CAPRIN2: variants seen among roughly 807,000 people sequenced by gnomAD.
The protein encoded by CAPRIN2 is caprin-2.
In CAPRIN2, 66 loss-of-function variants were observed where a neutral mutation model predicts 130.4. That is an observed-to-expected ratio of 0.51 (90% CI 0.42 to 0.62). The LOEUF is 0.62. CAPRIN2 is among the 20% of genes least tolerant of loss of function. The pLI is 0.00. For synonymous variants in CAPRIN2, 471 were observed against 444.1 expected (o/e 1.06, Z -0.76); for missense variants, 1,185 against 1,246.6 (o/e 0.95, Z 0.74).
chr12:30,747,748 G>T (rs6487939), intron 2 of CAPRIN2, among the ~76,000 whole-genome samples: 1 of 151,838 alleles, frequency 6.6e-6, no homozygotes, highest in Admixed American at 6.6e-5. Flanking sequence ...TTGTCTAATA[G>T]ATCCGGGCAA....
At chr12:30,715,023 A>G (rs750395988) in exon 14 of CAPRIN2, 12 of 1,614,082 alleles carry the variant, frequency 7.4e-6, no homozygotes, top group Middle Eastern at 1.7e-4. Context: ...TACATCCTCT[A>G]ACAGATCCCC....
At chr12:30,728,579 A>AAAAG in intron 8 of CAPRIN2, 69 bp downstream of exon 9, 1 of 1,373,278 alleles carries the variant, frequency 7.3e-7, no homozygotes, top group Non-Finnish European at 9.9e-7. Flanking sequence ...AAGAGAACTA[A>AAAAG]AAAGTCATTA....
At chr12:30,733,771 G>T in intron 4 of CAPRIN2, 60 bp from the exon 6 acceptor site, 1 of 1,114,308 alleles carries the variant, frequency 9.0e-7, no homozygotes, top group Non-Finnish European at 1.4e-6. Flanking sequence ...ATATGGAGCA[G>T]CACAATTTAT....
intron 3 of CAPRIN2, among the ~76,000 whole-genome samples, chr12:30,735,550 T>C (rs951634101): frequency 2.6e-5 from 4 of 152,216 alleles, no homozygotes; most frequent in African/African-American, 9.6e-5. Flanking sequence ...TCAGTCCTTT[T>C]TGGACCTTTT....
At chr12:30,723,181 G>C in intron 11 of CAPRIN2, 78 bp downstream of exon 12, 1 of 981,636 alleles carries the variant, frequency 1.0e-6, no homozygotes, top group South Asian at 1.3e-5. Context: ...ATGAGAATCA[G>C]TAAGTCTGAT....
chr12:30,753,865 A>G (rs2075157228), exon 1 of CAPRIN2: 4 of 1,185,686 alleles, frequency 3.4e-6, no homozygotes, highest in Admixed American at 2.3e-5. Flanking sequence ...GATTTTCCAC[A>G]TAGGGAGGAA....
At chr12:30,723,138 G>A in intron 11 of CAPRIN2, 121 bp downstream of exon 12, 1 of 709,400 alleles carries the variant, frequency 1.4e-6, no homozygotes, top group Non-Finnish European at 2.4e-6. Flanking sequence ...AACTAGATAT[G>A]CTTAGAACAC....
chr12:30,728,586 A>G, intron 8 of CAPRIN2, 62 bp downstream of exon 9: 2 of 1,387,722 alleles, frequency 1.4e-6, no homozygotes, highest in Non-Finnish European at 2.0e-6. Flanking sequence ...CTAAAAAGTC[A>G]TTACCACGAC....
Position 30,735,219 on chromosome 12 carries a change from A to T in CAPRIN2, c.571-13T>A. On this transcript the variant is annotated splice_polypyrimidine_tract_variant and intron_variant, in intron 3 of 16. Transcript: ENST00000298892. Reference sequence around the variant, plus strand: ...GCGCTTTTAGTAGCTGTTAAAACAAATGGCTAATTAAGGGTAACAATTCTC... The same window carrying T: ...GCGCTTTTAGTAGCTGTTAAAACAATTGGCTAATTAAGGGTAACAATTCTC... 1.3e-6 allele frequency: 2 copies of T among 1,594,172 alleles called. No individual in the cohort carries two copies. Among genetic ancestry groups the T allele is most frequent in the Non-Finnish European group, 1.7e-6 (2 of 1,161,992 alleles).
intron 2 of CAPRIN2, among the ~76,000 whole-genome samples, chr12:30,741,332 A>G (rs2067332680): frequency 6.6e-6 from 1 of 152,124 alleles, no homozygotes; most frequent in South Asian, 2.1e-4. Context: ...CAATTTTTAT[A>G]TTAGAAATAT....
exon 1 of CAPRIN2, chr12:30,753,593 C>A (rs777790225): frequency 6.2e-7 from 1 of 1,614,108 alleles, no homozygotes; most frequent in Admixed American, 1.7e-5. Flanking sequence ...AGAGTTGCAC[C>A]ATTGAAACAG....
chr12:30,743,935 C>G (rs2068674018), intron 2 of CAPRIN2, among the ~76,000 whole-genome samples: 1 of 152,122 alleles, frequency 6.6e-6, no homozygotes. Flanking sequence ...TCTCGTTTAC[C>G]TAAACAGCTG....
At position 30,730,230 on chromosome 12, in the gene CAPRIN2, G is replaced by C; in HGVS notation, c.1104+9C>G. The C allele has an allele frequency of 6.2e-7, 1 of 1,606,452 alleles. No individual in the cohort carries two copies. The highest frequency in any genetic ancestry group is 8.5e-7 in the Non-Finnish European group (1 of 1,173,234). ...ATCAACATCAGCAAATTGTCTTTCA[G>C]TATCTTACCTCTTGTGGTTGTATCT... On this transcript the variant is annotated intron_variant, in intron 7 of 16. Transcript: ENST00000298892.
At chr12:30,753,624 G>T (rs769609164) in exon 1 of CAPRIN2, 24 of 1,614,006 alleles carry the variant, frequency 1.5e-5, no homozygotes, top group Non-Finnish European at 1.9e-5. Flanking sequence ...AGGAGGTGGG[G>T]GAAAGTTAAG....
intron 9 of CAPRIN2, 26 bp from the exon 11 acceptor site, chr12:30,724,477 G>A (rs770909466): frequency 2.1e-6 from 3 of 1,450,836 alleles, no homozygotes; most frequent in South Asian, 2.3e-5. Context: ...TAAATAAAGA[G>A]TGGAAACAGA....
At chr12:30,742,123 G>C (rs1266957476) in intron 2 of CAPRIN2, among the ~76,000 whole-genome samples, 1 of 152,030 alleles carries the variant, frequency 6.6e-6, no homozygotes, top group Non-Finnish European at 1.5e-5. Context: ...GAGAACTTTG[G>C]GGGGATGATA....
intron 15 of CAPRIN2, 134 bp from the exon 18 acceptor site, chr12:30,711,763 G>A: frequency 2.7e-6 from 2 of 744,492 alleles, no homozygotes; most frequent in Non-Finnish European, 4.8e-6. Flanking sequence ...CAACCAAAGA[G>A]GCTCAGATGT....
Position 30,715,156 on chromosome 12 carries a change from C to A in CAPRIN2, c.2318-15G>T, listed in dbSNP as rs757926319. The A allele has an allele frequency of 6.2e-7, 1 of 1,611,242 alleles. No individual in the cohort carries two copies. ...ATGATAATTTGCTGCTTAAGAAAAA[C>A]GATTTTAGGGTCCAAGAGTTAAATG... is the stretch of plus-strand genomic sequence containing the variant. On this transcript the variant is annotated splice_polypyrimidine_tract_variant and intron_variant, in intron 13 of 16. Coordinates refer to ENST00000298892, the Ensembl canonical transcript of CAPRIN2.
rs1251611105 is a variant in CAPRIN2, at chr12:30,720,800, T to C, written c.2148+11A>G. On this transcript the variant is annotated intron_variant, in intron 12 of 16. Coordinates refer to ENST00000298892, the Ensembl canonical transcript of CAPRIN2. ...AAGATACAAAAGAAATTAAGACAAT[T>C]GGTCTTTTACCTCAGGAGTCTCTGA... The C allele has an allele frequency of 6.8e-7, 1 of 1,481,388 alleles. No homozygotes were observed. The highest frequency in any genetic ancestry group is 1.7e-5 in the Admixed American group (1 of 59,084). The allele number at this position is 1,481,388 out of a possible 1,614,324, so 91.8% of individuals were successfully genotyped here. A position where few individuals can be genotyped will look rare whatever the true frequency, so the allele number is the denominator to read the frequency against.
Sources: gnomAD v4.1 joint callset for allele counts (sites outside exome capture counted in the v4.1 genomes callset) on GRCh38, gnomAD v4.1.1 for gene constraint, MANE v1.5 for transcripts, NCBI Gene and HGNC (gene_info 2026-07-23, HGNC 2026-07-21) for gene names.